The following ARHGEF10 variants were observed in gnomAD, a reference collection of about 807,000 sequenced individuals.
The protein encoded by ARHGEF10 is Rho guanine nucleotide exchange factor (GEF) 10.
ARHGEF10 carries 140 observed loss-of-function variants against 147.4 expected under a neutral mutation model. The observed-to-expected ratio is 0.95, with a 90% CI of 0.83 to 1.09. ARHGEF10 has a LOEUF of 1.09. Ranked by LOEUF, ARHGEF10 falls within the 50% of genes least tolerant of loss-of-function variation. The pLI, the probability that ARHGEF10 is intolerant of heterozygous loss-of-function variation, is 0.00. For missense variants in ARHGEF10, 2,222 were observed against 1,752.7 expected (o/e 1.27, Z -4.78); for synonymous variants, 902 against 695.8 (o/e 1.30, Z -4.67).
intron 3 of ARHGEF10, 43 bp from the exon 4 acceptor site, chr8:1,859,854 C>A (rs767904147): frequency 1.9e-5 from 30 of 1,612,242 alleles, no homozygotes; most frequent in Non-Finnish European, 2.2e-5. Context: ...CCTGCCATGC[C>A]CTTGGTGATG....
rs192883893 is a variant in ARHGEF10 at position 1,861,185 on chromosome 8, A to G, written c.481+1001A>G. On this transcript the variant is annotated intron_variant, in intron 4 of 28. Coordinates refer to ENST00000349830, the MANE Select transcript of ARHGEF10 (RefSeq NM_014629.4). ...CTCCACTTAGTGAGAAGGAGTGGCC[A>G]TGTGCTCTAGAAGGGGCTTGGTTGG... is the stretch of plus-strand genomic sequence containing the variant. Among the ~76,000 whole-genome samples the G allele has an allele frequency of 1.8e-3, 270 of 152,302 alleles. 2 individuals are homozygous for G. The highest frequency in any genetic ancestry group is 3.1e-3 in the Admixed American group (47 of 15,308).
At position 1,884,264 on chromosome 8, in the gene ARHGEF10, C is replaced by T. The variant is rs1051744244; in HGVS notation, c.1076-1337C>T. Among the ~76,000 whole-genome samples, 10 of 151,914 alleles carry T rather than the reference C, an allele frequency of 6.6e-5. No homozygotes were observed. The South Asian group carries it at 8.3e-4, about 13-fold the overall frequency. The stretch of plus-strand genomic sequence containing the variant: ...AAAAAAAATTAGCTGGGCGTGGTGG[C>T]GGGTGCCTGTAGTCCCAGCTACTCA... On this transcript the variant is annotated intron_variant, in intron 10 of 28. Transcript: ENST00000349830.
At position 1,847,059 on chromosome 8, in the gene ARHGEF10, C is replaced by G. The variant is rs6981650; in HGVS notation, c.37+3623C>G. On this transcript the variant is annotated intron_variant, in intron 2 of 28. Transcript: ENST00000349830. The stretch of plus-strand genomic sequence containing the variant: ...TCTTTAGTCCATGCCCATTCCTCAC[C>G]TTTACCAGGTCCCTGTGCCTTCTCT... 7.0e-3 allele frequency among the ~76,000 whole-genome samples: 1,072 copies of G among 152,280 alleles called. 9 individuals carry two copies. The highest frequency in any genetic ancestry group is 0.024 in the African/African-American group (989 of 41,550).
At chr8:1,903,692 A>T in intron 16 of ARHGEF10, 1 of 586,276 alleles carries the variant, frequency 1.7e-6, no homozygotes, top group Non-Finnish European at 3.0e-6. Context: ...CATTCATTAG[A>T]CCCTCAAATG....
At chr8:1,855,902 C>G (rs781703206) in intron 2 of ARHGEF10, among the ~76,000 whole-genome samples, 5 of 151,246 alleles carry the variant, frequency 3.3e-5, no homozygotes, top group Non-Finnish European at 5.9e-5. Context: ...CATAAACTGA[C>G]TACTTAATGA....
At chr8:1,842,249 A>T (rs1319347390) in intron 1 of ARHGEF10, among the ~76,000 whole-genome samples, 1 of 151,968 alleles carries the variant, frequency 6.6e-6, no homozygotes. Context: ...GAGGTGCCGC[A>T]TCTGAGGTTG....
chr8:1,904,070 C>G (rs1045645276), intron 16 of ARHGEF10: 1 of 152,564 alleles, frequency 6.6e-6, no homozygotes. Context: ...GCACTCTAGC[C>G]TGGGTGATGG....
intron 22 of ARHGEF10, 64 bp downstream of exon 22, chr8:1,925,468 T>A (rs1176361648): frequency 6.2e-7 from 1 of 1,603,078 alleles, no homozygotes; most frequent in South Asian, 1.1e-5. Context: ...ATGGGCCACT[T>A]GGGAGATGAT....
At chr8:1,859,076 G>A (rs1186881974) in intron 3 of ARHGEF10, among the ~76,000 whole-genome samples, 2 of 148,014 alleles carry the variant, frequency 1.4e-5, no homozygotes, top group African/African-American at 5.0e-5. Context: ...TGTTTGCACG[G>A]TGTTTCTTTG....
chr8:1,828,367 A>G (rs909031777), intron 1 of ARHGEF10, among the ~76,000 whole-genome samples: 4 of 152,140 alleles, frequency 2.6e-5, no homozygotes, highest in African/African-American at 9.7e-5. Flanking sequence ...TAACGGTTTT[A>G]AGGAATTACA....
rs146529284 is a variant in ARHGEF10 at position 1,894,454 on chromosome 8, C to T, written c.1322C>T (p.Thr441Met). 1.5e-5 allele frequency: 24 copies of T among 1,614,078 alleles called. No homozygotes were observed. Among genetic ancestry groups the T allele is most frequent in the African/African-American group, 1.1e-4 (8 of 74,924 alleles). ...GTTCTGAGTGAGAGGAAGCTGAAGA[C>T]GGTGTTCTACCGAGTCAAAGAGATC... ...PKVLSERKLK[T>M]VFYRVKEILQ... Residue 441 changes from threonine to methionine, a missense_variant, in exon 13 of 29, where the codon ACG becomes ATG. Thr to Met is a moderately conservative substitution (Grantham distance 81). Transcript: ENST00000349830.
At position 1,880,233 on chromosome 8, in the gene ARHGEF10, G is replaced by T. The variant is rs1223914569; in HGVS notation, c.960+69G>T. ...CAGTAAAGAAAAACCGCGCGGCTCG[G>T]TCGGTCCTTGCTGTCTCAACAGCGG... is the stretch of plus-strand genomic sequence containing the variant. On this transcript the variant is annotated intron_variant, in intron 9 of 28. Coordinates refer to ENST00000349830, the MANE Select transcript of ARHGEF10 (RefSeq NM_014629.4). 6 of 1,080,876 alleles carry T rather than the reference G, an allele frequency of 5.6e-6. No homozygotes were observed. In the South Asian group the frequency reaches 6.2e-5, roughly 11 times the overall value. The allele number at this position is 1,080,876 out of a possible 1,614,324, so 67.0% of individuals were successfully genotyped here.
At chr8:1,826,261 C>T (rs1802761692) in intron 1 of ARHGEF10, 1 of 850,994 alleles carries the variant, frequency 1.2e-6, no homozygotes, top group Admixed American at 2.1e-5. Context: ...GCTTGACTTC[C>T]AGATGTAACC....
chr8:1,927,203 G>T (rs979192121), intron 23 of ARHGEF10: 1 of 153,058 alleles, frequency 6.5e-6, no homozygotes, highest in Non-Finnish European at 1.5e-5. Flanking sequence ...TCCCTTGGGG[G>T]CTTCCACTTC....
rs1404223259 is a variant in ARHGEF10, at chr8:1,833,450, ACAGGGGCAGAGG to A, written c.-48+9349_-48+9360del. 2.0e-5 allele frequency among the ~76,000 whole-genome samples: 3 copies of A among 151,970 alleles called. No individual in the cohort carries two copies. In the East Asian group the frequency reaches 5.8e-4, roughly 29 times the overall value. On this transcript the variant is annotated intron_variant, in intron 1 of 28. Transcript: ENST00000349830. ...GACAGAGACAGAGGCAGGGGCAGAG[ACAGGGGCAGAGG>A]CAGGGGCAGAGACAGGGGCAGGCTA...
intron 4 of ARHGEF10, among the ~76,000 whole-genome samples, chr8:1,863,621 A>G (rs1409496832): frequency 6.6e-6 from 1 of 152,162 alleles, no homozygotes; most frequent in Non-Finnish European, 1.5e-5. Context: ...CAGTACAGCC[A>G]TCACAGACTC....
intron 4 of ARHGEF10, among the ~76,000 whole-genome samples, chr8:1,863,466 T>C (rs1353634449): frequency 1.3e-5 from 2 of 152,212 alleles, no homozygotes; most frequent in Non-Finnish European, 2.9e-5. Flanking sequence ...AAATTCCCTT[T>C]AGAAAGTGTT....
intron 7 of ARHGEF10, 142 bp from the exon 8 acceptor site, chr8:1,876,429 C>T (rs1416232099): frequency 6.8e-6 from 6 of 885,034 alleles, no homozygotes; most frequent in South Asian, 1.5e-5. Context: ...GGAGCAAGCC[C>T]GGGGCTCCGC....
intron 18 of ARHGEF10, among the ~76,000 whole-genome samples, chr8:1,919,108 G>A (rs1811994376): frequency 6.6e-6 from 1 of 151,100 alleles, no homozygotes; most frequent in Non-Finnish European, 1.5e-5. Flanking sequence ...CGTGGGTGAT[G>A]GAGCTGTTCT....
Sources: allele counts gnomAD v4.1 joint callset (sites outside exome capture counted in the v4.1 genomes callset), GRCh38; gene constraint gnomAD v4.1.1; transcripts MANE v1.5; gene names NCBI Gene and HGNC (gene_info 2026-07-23, HGNC 2026-07-21).